The following MTA3 variants were observed in gnomAD, a reference collection of about 807,000 sequenced individuals.
The protein encoded by MTA3 is metastasis associated 1 family member 3.
MTA3 carries 34 observed loss-of-function variants against 83.5 expected under a neutral mutation model. The observed-to-expected ratio is 0.41, with a 90% CI of 0.31 to 0.54. The LOEUF is 0.54. MTA3 is among the 20% of genes least tolerant of loss of function. The probability of loss-of-function intolerance (pLI) is 0.33; values close to 1 mark genes in which losing one functional copy is unlikely to be tolerated. For synonymous variants in MTA3, 303 were observed against 252.7 expected (o/e 1.20, Z -1.89); for missense variants, 761 against 726.4 (o/e 1.05, Z -0.55).
chr2:42,613,887 T>A (rs1341377684), intron 4 of MTA3: 2 of 152,128 alleles, frequency 1.3e-5, no homozygotes, highest in Non-Finnish European at 1.5e-5. Flanking sequence ...GCTTGAGTAG[T>A]GAGTATCCCT....
intron 2 of MTA3, among the ~76,000 whole-genome samples, chr2:42,509,878 A>G (rs1253648096): frequency 3.9e-5 from 6 of 152,204 alleles, no homozygotes; most frequent in Non-Finnish European, 7.3e-5. Flanking sequence ...TAATGTATAC[A>G]TTATATAGTG....
At chr2:42,561,371 G>C (rs1456908706) in intron 2 of MTA3, among the ~76,000 whole-genome samples, 1 of 151,284 alleles carries the variant, frequency 6.6e-6, no homozygotes, top group Non-Finnish European at 1.5e-5. Context: ...TGCCCAGGCT[G>C]GAGTGCAGTG....
At chr2:42,610,351 A>G (rs7574668) in intron 4 of MTA3, among the ~76,000 whole-genome samples, 111,238 of 152,066 alleles carry the variant, frequency 0.73, 40,942 homozygotes, top group South Asian at 0.88. Flanking sequence ...GATCACTGGG[A>G]TGAAAACTTT....
upstream of MTA3, chr2:42,567,980 A>C (rs2103815151): frequency 6.6e-6 from 1 of 152,344 alleles, no homozygotes; most frequent in Admixed American, 6.5e-5. Flanking sequence ...TTTTGGGGTA[A>C]ACGATGACGC....
At chr2:42,615,306 C>G (rs1450810749) in intron 4 of MTA3, among the ~76,000 whole-genome samples, 1 of 150,940 alleles carries the variant, frequency 6.6e-6, no homozygotes, top group African/African-American at 2.4e-5. Flanking sequence ...TATCCAATAG[C>G]CATTCAGGAT....
At chr2:42,751,627 T>C (rs1002690184) in intron 16 of MTA3, among the ~76,000 whole-genome samples, 1 of 152,060 alleles carries the variant, frequency 6.6e-6, no homozygotes, top group East Asian at 1.9e-4. Flanking sequence ...GAAGGCAGAG[T>C]GGAGCCTGGG....
Position 42,756,161 on chromosome 2 carries a change from C to G in MTA3, c.*2762C>G. ...ACAGCAAGCCGCCCCCATCCTGAGACTGGCTGGGCACCAGGGGAGGACGCG... is the reference window on the plus strand; with the variant it reads ...ACAGCAAGCCGCCCCCATCCTGAGAGTGGCTGGGCACCAGGGGAGGACGCG... On this transcript the variant is annotated 3_prime_UTR_variant, in exon 17 of 17. Coordinates refer to ENST00000405094, the MANE Select transcript of MTA3 (RefSeq NM_001330442.2). 1 of 387,100 alleles carries G rather than the reference C, an allele frequency of 2.6e-6. No individual in the cohort carries two copies. Among genetic ancestry groups the G allele is most frequent in the Non-Finnish European group, 3.5e-6 (1 of 282,806 alleles). The allele number at this position is 387,100 out of a possible 1,614,324, so 24.0% of individuals were successfully genotyped here. A position where few individuals can be genotyped will look rare whatever the true frequency, so the allele number is the denominator to read the frequency against.
At chr2:42,591,351 TGA>T (rs1680967862) in intron 3 of MTA3, among the ~76,000 whole-genome samples, 1 of 152,208 alleles carries the variant, frequency 6.6e-6, no homozygotes. Context: ...GGCCTTGAAG[TGA>T]GTCAGTGAGT....
chr2:42,708,268 CAATG>C (rs1007029318), intron 13 of MTA3, among the ~76,000 whole-genome samples: 3 of 152,232 alleles, frequency 2.0e-5, no homozygotes, highest in East Asian at 3.9e-4. Context: ...GACAAAAAAA[CAATG>C]AGTGTGGGAG....
chr2:42,502,522 G>A (rs1166814626), intron 2 of MTA3, among the ~76,000 whole-genome samples: 4 of 151,978 alleles, frequency 2.6e-5, no homozygotes, highest in Non-Finnish European at 1.5e-5. Flanking sequence ...AATCCAGCCG[G>A]GTGCGGCGGC....
At chr2:42,615,229 A>G (rs1684711326) in intron 4 of MTA3, among the ~76,000 whole-genome samples, 1 of 150,350 alleles carries the variant, frequency 6.7e-6, no homozygotes. Context: ...TTAGATTATA[A>G]GGTTCTTGAA....
chr2:42,552,568 A>G (rs77548706), intron 2 of MTA3, among the ~76,000 whole-genome samples: 2,025 of 150,678 alleles, frequency 0.013, 48 homozygotes, highest in African/African-American at 0.046. Context: ...GCTGCAATAA[A>G]CGCCCAGATG....
chr2:42,679,479 G>T (rs1691675376), intron 8 of MTA3, among the ~76,000 whole-genome samples: 1 of 152,212 alleles, frequency 6.6e-6, no homozygotes, highest in African/African-American at 2.4e-5. Context: ...AAGATGATCA[G>T]ATAGGGCATG....
At chr2:42,640,451 G>T (rs550144106) in intron 5 of MTA3, among the ~76,000 whole-genome samples, 1 of 152,268 alleles carries the variant, frequency 6.6e-6, no homozygotes, top group South Asian at 2.1e-4. Context: ...TTTTTCAGTT[G>T]GTAATGAATG....
chr2:42,595,200 C>G (rs561142746), intron 3 of MTA3, among the ~76,000 whole-genome samples: 1 of 148,248 alleles, frequency 6.7e-6, no homozygotes, highest in Non-Finnish European at 1.5e-5. Flanking sequence ...AGCTCCACTT[C>G]CCAGGTTCAC....
intron 7 of MTA3, among the ~76,000 whole-genome samples, chr2:42,656,896 A>G (rs560634487): frequency 1.3e-5 from 2 of 152,242 alleles, no homozygotes; most frequent in Non-Finnish European, 2.9e-5. Context: ...ATATTATTTT[A>G]TGGCAATTGA....
chr2:42,544,343 G>A (rs1162361384), intron 2 of MTA3, among the ~76,000 whole-genome samples: 1 of 151,886 alleles, frequency 6.6e-6, no homozygotes, highest in Non-Finnish European at 1.5e-5. Flanking sequence ...CTACTCAGGA[G>A]GCTGAGGCAG....
intron 3 of MTA3, among the ~76,000 whole-genome samples, chr2:42,606,254 C>G (rs1683381414): frequency 1.3e-5 from 2 of 148,394 alleles, no homozygotes; most frequent in Non-Finnish European, 3.0e-5. Flanking sequence ...ACTCTCCTCA[C>G]TTCCCAGATG....
At chr2:42,672,884 T>C (rs1259858091) in intron 8 of MTA3, among the ~76,000 whole-genome samples, 1 of 145,878 alleles carries the variant, frequency 6.9e-6, no homozygotes, top group African/African-American at 2.6e-5. Context: ...TCTGCCTCTG[T>C]CACCCAGGCT....
Sources: gnomAD v4.1 joint callset for allele counts (sites outside exome capture counted in the v4.1 genomes callset) on GRCh38, gnomAD v4.1.1 for gene constraint, MANE v1.5 for transcripts, NCBI Gene and HGNC (gene_info 2026-07-23, HGNC 2026-07-21) for gene names.